Variants in KNL1 observed in about 807,000 individuals in gnomAD.
KNL1 encodes outer kinetochore KNL1 complex subunit KNL1.
A neutral mutation model predicts 201.3 loss-of-function variants in KNL1; 66 were observed. That is an observed-to-expected ratio of 0.33 (90% CI 0.27 to 0.40). The LOEUF is 0.40. Ranked by LOEUF, KNL1 falls within the 10% of genes least tolerant of loss-of-function variation. KNL1 has a pLI of 1.00. For missense variants in KNL1, 2,815 were observed against 2,690.5 expected (o/e 1.05, Z -1.02); for synonymous variants, 895 against 899.2 (o/e 1.00, Z 0.08).
intron 13 of KNL1, among the ~76,000 whole-genome samples, chr15:40,633,506 T>C (rs1056088686): frequency 2.0e-5 from 3 of 152,076 alleles, no homozygotes; most frequent in Admixed American, 2.0e-4. Context: ...AACAGACCAT[T>C]AGGTTGCTGT....
In KNL1 at chr15:40,651,543, T is replaced by C. The variant is rs368918616; in HGVS notation, c.6285T>C (p.Asn2095=). 28 of 1,610,364 alleles carry C rather than the reference T, an allele frequency of 1.7e-5. No individual in the cohort carries two copies. Among genetic ancestry groups the C allele is most frequent in the African/African-American group, 1.3e-4 (10 of 74,896 alleles). Residue 2095 remains asparagine (N), a synonymous_variant, in exon 20 of 26, where the codon AAT becomes AAC. Coordinates refer to ENST00000399668, the MANE Select transcript of KNL1 (RefSeq NM_144508.5). ...AQIDFMQKQR[N]RTEELLDQLS... is the part of the protein sequence containing the mutation. ...TAGACTTTATGCAAAAACAAAGAAA[T>C]AGAACTGAAGAGCTACTGGATCAGT...
At chr15:40,655,613 A>G (rs1333093537) in intron 22 of KNL1, among the ~76,000 whole-genome samples, 2 of 133,262 alleles carry the variant, frequency 1.5e-5, no homozygotes, top group African/African-American at 5.6e-5. Context: ...AAAAAAAAAG[A>G]TTTAAAAAAA....
intron 23 of KNL1, 82 bp from the exon 24 acceptor site, chr15:40,657,273 T>TAA: frequency 9.5e-7 from 1 of 1,055,946 alleles, no homozygotes; most frequent in Non-Finnish European, 1.5e-6. Context: ...TTGTTTAACT[T>TAA]TTTTGAGTTC....
At position 40,625,326 on chromosome 15, in the gene KNL1, C is replaced by T. The variant is rs780028584; in HGVS notation, c.5062C>T (p.Pro1688Ser). The T allele has an allele frequency of 1.2e-6, 2 of 1,614,054 alleles. No homozygotes were observed. The highest frequency in any genetic ancestry group is 1.7e-6 in the Non-Finnish European group (2 of 1,179,974). ...TGATATAAATCACTTAGAAACTCAG[C>T]CGGTCTCTAGCAAAGATTCAGGCAT... ...TTDINHLETQ[P>S]VSSKDSGIGS... is the part of the protein sequence containing the mutation. The change falls in exon 10 of 26, where the codon CCG becomes TCG. Residue 1688 changes from proline to serine, a missense_variant. By Grantham distance (74) the Pro-to-Ser change is moderately conservative. Transcript: ENST00000399668.
At chr15:40,618,218 A>G (rs542088698) in intron 8 of KNL1, among the ~76,000 whole-genome samples, 5 of 151,806 alleles carry the variant, frequency 3.3e-5, no homozygotes, top group Admixed American at 1.3e-4. Context: ...TTCCATTTTC[A>G]TTGCTCTGTT....
At chr15:40,649,586 C>G (rs567560639) in intron 17 of KNL1, among the ~76,000 whole-genome samples, 1 of 149,796 alleles carries the variant, frequency 6.7e-6, no homozygotes, top group South Asian at 2.1e-4. Context: ...TCAGCCACTA[C>G]GCCTGCCTTT....
At chr15:40,612,251 G>C (rs768284109) in intron 7 of KNL1, among the ~76,000 whole-genome samples, 2 of 152,132 alleles carry the variant, frequency 1.3e-5, no homozygotes, top group Non-Finnish European at 2.9e-5. Flanking sequence ...GGGAGGTAGA[G>C]GTTGCAGTGA....
In KNL1 at chr15:40,622,526, A is replaced by G. The variant is rs1267428574; in HGVS notation, c.2262A>G (p.Ile754Met). 3.1e-6 allele frequency: 5 copies of G among 1,614,036 alleles called. No homozygotes were observed. The highest frequency in any genetic ancestry group is 4.2e-6 in the Non-Finnish European group (5 of 1,179,918). The change falls in exon 10 of 26, where the codon ATA becomes ATG. Residue 754 changes from isoleucine (I) to methionine (M), a missense_variant. Physicochemically the swap from Ile to Met is conservative, Grantham distance 10. Transcript: ENST00000399668. ...ACTATTGCCATGACAAGATGATTATATGTTCAGAGGAAGAGCAAAATATGG... is the reference window on the plus strand; with the variant it reads ...ACTATTGCCATGACAAGATGATTATGTGTTCAGAGGAAGAGCAAAATATGG... ...TPDYCHDKMI[I>M]CSEEEQNMDL...
At position 40,628,145 on chromosome 15, in the gene KNL1, C is replaced by A; in HGVS notation, c.5452C>A (p.Pro1818Thr). Residue 1818 changes from proline (P) to threonine (T), a missense_variant, in exon 11 of 26, where the codon CCA becomes ACA. This residue lies in a region of KNL1 where 2,464 missense variants were observed against 2,291.7 expected (regional missense o/e 1.08). Transcript: ENST00000399668. ...SVLIKNLSRT[P>T]SSCSSSLDSI... ...ATTGATAAAAAACCTGAGCAGGACC[C>A]CATCTAGTTGCAGCAGCTCTCTGGA... 1 of 1,613,058 alleles carries A rather than the reference C, an allele frequency of 6.2e-7. No individual in the cohort carries two copies. The highest frequency in any genetic ancestry group is 1.3e-5 in the African/African-American group (1 of 74,942).
Position 40,624,675 on chromosome 15 carries a change from G to A in KNL1, c.4411G>A (p.Gly1471Arg). 1.2e-6 allele frequency: 2 copies of A among 1,612,406 alleles called. No individual in the cohort carries two copies. The highest frequency in any genetic ancestry group is 1.7e-6 in the Non-Finnish European group (2 of 1,179,346). The change falls in exon 10 of 26, where the codon GGA (glycine) becomes AGA (arginine). Residue 1471 changes from glycine (G) to arginine (R), a missense_variant. This residue lies in a region of KNL1 where 2,464 missense variants were observed against 2,291.7 expected (regional missense o/e 1.08). Coordinates refer to ENST00000399668, the MANE Select transcript of KNL1 (RefSeq NM_144508.5). ...NKEEVILSKA[G>R]NKSLNIIENS... is the part of the protein sequence containing the mutation. ...AGAAGAAGTAATACTGTCTAAAGCTGGAAATAAGAGTTTAAATATTATAGA... is the reference window on the plus strand; with the variant it reads ...AGAAGAAGTAATACTGTCTAAAGCTAGAAATAAGAGTTTAAATATTATAGA...
At chr15:40,634,406 G>T (rs895784141) in intron 13 of KNL1, among the ~76,000 whole-genome samples, 1 of 152,214 alleles carries the variant, frequency 6.6e-6, no homozygotes, top group Non-Finnish European at 1.5e-5. Context: ...CGCCTGGTGC[G>T]TGAATATACT....
intron 13 of KNL1, among the ~76,000 whole-genome samples, chr15:40,639,946 A>T (rs1463563213): frequency 2.0e-5 from 3 of 152,106 alleles, no homozygotes; most frequent in Non-Finnish European, 2.9e-5. Context: ...GTGGTGACAC[A>T]TCTGTAGTAC....
intron 15 of KNL1, among the ~76,000 whole-genome samples, chr15:40,645,426 G>T (rs1263808735): frequency 1.3e-5 from 2 of 152,104 alleles, no homozygotes; most frequent in Non-Finnish European, 2.9e-5. Context: ...ATATTAAAAA[G>T]TTTCATTAAC....
In KNL1 at chr15:40,645,026, A is replaced by G; in HGVS notation, c.5828A>G (p.Lys1943Arg). The change falls in exon 15 of 26, where the codon AAG becomes AGG. Residue 1943 changes from lysine (K) to arginine (R), a missense_variant. Physicochemically the swap from Lys to Arg is conservative, Grantham distance 26 (BLOSUM62 2). Around this residue, in one of 3 missense-constraint regions of KNL1, gnomAD observed 2,464 missense variants for 2,291.7 expected, o/e 1.08. Coordinates refer to ENST00000399668, the MANE Select transcript of KNL1 (RefSeq NM_144508.5). ...AAGCTTTCTGCATCGAACCAAGATA[A>G]GCTGTTGGTTGATATAAATAAGAAC... ...ELKLSASNQD[K>R]LLVDINKNLW... The G allele has an allele frequency of 6.2e-7, 1 of 1,611,982 alleles. No individual in the cohort carries two copies. The highest frequency in any genetic ancestry group is 1.3e-5 in the African/African-American group (1 of 75,020).
intron 3 of KNL1, among the ~76,000 whole-genome samples, chr15:40,605,480 C>T (rs1398970770): frequency 6.6e-6 from 1 of 152,158 alleles, no homozygotes; most frequent in Non-Finnish European, 1.5e-5. Flanking sequence ...GAGATAGAGT[C>T]TCGCTCTGTC....
In KNL1 at chr15:40,652,143, A is replaced by C. The variant is rs532173551; in HGVS notation, c.6415+38A>C. The C allele has an allele frequency of 3.0e-6, 4 of 1,322,194 alleles. No individual in the cohort carries two copies. In the South Asian group the frequency reaches 4.7e-5, roughly 16 times the overall value. 81.9% of individuals were successfully genotyped at this position (1,322,194 alleles called of 1,614,324 possible). On this transcript the variant is annotated intron_variant, in intron 21 of 25. Transcript: ENST00000399668. ...AGTGAGATAATTCTTTTACAGAAAA[A>C]TGAATGGCTACACTCACTAAAGATT...
chr15:40,623,389 G>C lies in KNL1; in HGVS notation c.3125G>C (p.Cys1042Ser). ...ATGGAATTGTCTAAATCAGCCACTT[G>C]CAAAAACATCAAAGATGTACAAAGT... Reference protein sequence around the residue: ...DNMELSKSATCKNIKDVQSPG... With the variant: ...DNMELSKSATSKNIKDVQSPG... Residue 1042 changes from cysteine to serine, a missense_variant, in exon 10 of 26, where the codon TGC (cysteine) becomes TCC (serine). This residue lies in a region of KNL1 where 2,464 missense variants were observed against 2,291.7 expected (regional missense o/e 1.08). Coordinates refer to ENST00000399668, the MANE Select transcript of KNL1 (RefSeq NM_144508.5). 2.5e-6 allele frequency: 4 copies of C among 1,613,902 alleles called. No homozygotes were observed. Among genetic ancestry groups the C allele is most frequent in the Non-Finnish European group, 1.7e-6 (2 of 1,179,924 alleles).
chr15:40,629,534 C>G (rs373487178), intron 13 of KNL1, among the ~76,000 whole-genome samples, 163 bp downstream of exon 13: 1 of 105,526 alleles, frequency 9.5e-6, no homozygotes, highest in Admixed American at 1.5e-4. Context: ...GATGGAGTCT[C>G]GCTCTGTTGC....
In KNL1 at chr15:40,634,702, A is replaced by G. The variant is rs1000660583; in HGVS notation, c.5682+5331A>G. On this transcript the variant is annotated intron_variant, in intron 13 of 25. Coordinates refer to ENST00000399668, the MANE Select transcript of KNL1 (RefSeq NM_144508.5). Reference sequence around the variant, plus strand: ...CTGATACTCTTTCTACTTTTCTTATAAAGGGAAAGTAGAAAGAGTATTAGG... The same window carrying G: ...CTGATACTCTTTCTACTTTTCTTATGAAGGGAAAGTAGAAAGAGTATTAGG... Among the ~76,000 whole-genome samples, 4 of 152,220 alleles carry G rather than the reference A, an allele frequency of 2.6e-5. No homozygotes were observed. In the East Asian group the frequency reaches 7.7e-4, roughly 29 times the overall value.
Sources: gnomAD v4.1 joint callset for allele counts (sites outside exome capture counted in the v4.1 genomes callset) on GRCh38, gnomAD v4.1.1 for gene constraint, gnomAD v4.1.1 regional missense constraint, MANE v1.5 for transcripts, NCBI Gene and HGNC (gene_info 2026-07-23, HGNC 2026-07-21) for gene names.